USP3: variants seen among roughly 807,000 people sequenced by gnomAD.
USP3 encodes the protein ubiquitin carboxyl-terminal hydrolase 3.
Under a neutral mutation model 72.3 loss-of-function variants are expected in USP3, and 20 were observed. The observed-to-expected ratio is 0.28, with a 90% CI of 0.19 to 0.40. The LOEUF (loss-of-function observed/expected upper bound fraction) is 0.40, where lower values mean the gene tolerates loss of function less well. USP3 is among the 10% of genes least tolerant of loss of function. USP3 has a pLI of 1.00. For synonymous variants in USP3, 222 were observed against 225.3 expected, an observed-to-expected ratio of 0.99 and a Z score of 0.13; for missense variants, 479 against 633.9, an observed-to-expected ratio of 0.76 and a Z score of 2.62.
chr15:63,544,531 A>C lies in USP3; in HGVS notation c.284+7375A>C. 1.7e-6 allele frequency: 1 copy of C among 574,736 alleles called. No individual in the cohort carries two copies. Among genetic ancestry groups the C allele is most frequent in the Non-Finnish European group, 3.1e-6 (1 of 325,944 alleles). 35.6% of individuals were successfully genotyped at this position (574,736 alleles called of 1,614,324 possible). On this transcript the variant is annotated intron_variant, in intron 3 of 14. Transcript: ENST00000380324. This position sits in a 1 kb window ranked among gnomAD's most constrained non-coding sequence, Gnocchi z 4.2. ...GTAGTGCAGGGCAAAAACAGGAAGG[A>C]AACGAGTGTTTCTAAAGTTAGAATT...
chr15:63,547,138 A>G (rs945053793), intron 3 of USP3, among the ~76,000 whole-genome samples: 1 of 152,198 alleles, frequency 6.6e-6, no homozygotes, highest in African/African-American at 2.4e-5. Context: ...AGAGGAAGGA[A>G]ACTAACATTT....
In USP3 at chr15:63,553,734, G is replaced by A; in HGVS notation, c.304G>A (p.Val102Met). Residue 102 changes from valine to methionine, a missense_variant, in exon 4 of 15, where the codon GTG becomes ATG. Physicochemically the swap from Val to Met is conservative, Grantham distance 21 (BLOSUM62 1). Transcript: ENST00000380324. The surrounding 1 kb of genome is among the most constrained non-coding windows in gnomAD (Gnocchi z 4.2). ...TTGCAGTTATCGCTGTGATGATTTT[G>A]TGGTTAATGACACCAAGCTGGGACT... ...STYCYRCDDF[V>M]VNDTKLGLVQ... 1 of 1,612,602 alleles carries A rather than the reference G, an allele frequency of 6.2e-7. No homozygotes were observed. Among genetic ancestry groups the A allele is most frequent in the Non-Finnish European group, 8.5e-7 (1 of 1,179,272 alleles).
intron 1 of USP3, among the ~76,000 whole-genome samples, chr15:63,522,556 T>C (rs544488481): frequency 1.3e-5 from 2 of 152,156 alleles, no homozygotes; most frequent in South Asian, 4.2e-4. Context: ...GGTAATAGAG[T>C]GAAGAGGAAT....
chr15:63,547,757 GGAGGGAGAGAGAGAGAGAGA>G (rs778198243), intron 3 of USP3, among the ~76,000 whole-genome samples: 18,994 of 39,402 alleles, frequency 0.48, 4,930 homozygotes, highest in Non-Finnish European at 0.58. Flanking sequence ...AGGGAGGGAG[GGAGGGAGAGAGAGAGAGAGA>G]GAGAGAGAGA....
chr15:63,587,855 G>T (rs1010600558), intron 11 of USP3: 2 of 152,652 alleles, frequency 1.3e-5, no homozygotes, highest in Non-Finnish European at 2.9e-5. Flanking sequence ...AGAGTACAGC[G>T]TCTGGACAGA....
chr15:63,525,046 A>T (rs1413589467), intron 1 of USP3, among the ~76,000 whole-genome samples: 1 of 152,220 alleles, frequency 6.6e-6, no homozygotes, highest in Non-Finnish European at 1.5e-5. Context: ...ATGTAAGCCT[A>T]CTTTATATAA....
At chr15:63,557,509 C>T (rs2066532673) in intron 5 of USP3, among the ~76,000 whole-genome samples, 1 of 152,144 alleles carries the variant, frequency 6.6e-6, no homozygotes, top group South Asian at 2.1e-4. Flanking sequence ...GCAATCCACC[C>T]ACCTCAGCTT....
intron 9 of USP3, among the ~76,000 whole-genome samples, chr15:63,573,537 G>T (rs1018588946): frequency 1.3e-5 from 2 of 152,220 alleles, no homozygotes; most frequent in African/African-American, 4.8e-5. Context: ...TACTAAATCT[G>T]TATTAAATTC....
chr15:63,554,524 T>C (rs547036559), intron 4 of USP3, among the ~76,000 whole-genome samples: 8 of 152,314 alleles, frequency 5.3e-5, no homozygotes, highest in Non-Finnish European at 1.0e-4. Context: ...AAGTGAAATC[T>C]CTGTACATCA....
intron 1 of USP3, chr15:63,515,594 A>G (rs2065840471): frequency 6.6e-6 from 1 of 152,240 alleles, no homozygotes; most frequent in South Asian, 2.1e-4. Flanking sequence ...TTAACTCTGC[A>G]GTGGGAATAA....
At chr15:63,535,499 T>A (rs1394650550) in intron 2 of USP3, among the ~76,000 whole-genome samples, 2 of 152,182 alleles carry the variant, frequency 1.3e-5, no homozygotes, top group Non-Finnish European at 2.9e-5. Flanking sequence ...GTTAAATAAT[T>A]CATCCAAGCT....
rs2067112717 is a variant in USP3, at chr15:63,588,128, A to G, written c.1097-177A>G. 2.0e-6 allele frequency: 1 copy of G among 509,202 alleles called. No individual in the cohort carries two copies. The highest frequency in any genetic ancestry group is 3.4e-6 in the Non-Finnish European group (1 of 291,118). 31.5% of individuals were successfully genotyped at this position (509,202 alleles called of 1,614,324 possible). ...TCTACACATTATTTCTCTTCCTTAT[A>G]ATAGTTCTTCAAAGTAGGTATTATT... On this transcript the variant is annotated intron_variant, in intron 11 of 14. Coordinates refer to ENST00000380324, the MANE Select transcript of USP3 (RefSeq NM_006537.4). This position sits in a 1 kb window ranked among gnomAD's most constrained non-coding sequence, Gnocchi z 4.6.
At chr15:63,547,598 C>G (rs1280780632) in intron 3 of USP3, among the ~76,000 whole-genome samples, 1 of 151,844 alleles carries the variant, frequency 6.6e-6, no homozygotes, top group Non-Finnish European at 1.5e-5. Flanking sequence ...GGCATGGTCG[C>G]TCATGCGTGT....
At chr15:63,533,778 G>C in intron 2 of USP3, 3 of 1,013,728 alleles carry the variant, frequency 3.0e-6, no homozygotes, top group Non-Finnish European at 4.0e-6. Flanking sequence ...CTTAATTGTG[G>C]CTGTTGTGGT....
At position 63,537,120 on chromosome 15, in the gene USP3, C is replaced by T. The variant is rs1229929791; in HGVS notation, c.248C>T (p.Thr83Ile). The change falls in exon 3 of 15, where the codon ACA (threonine) becomes ATA (isoleucine). Residue 83 changes from threonine to isoleucine, a missense_variant. Coordinates refer to ENST00000380324, the MANE Select transcript of USP3 (RefSeq NM_006537.4). Reference protein sequence around the residue: ...KSEKQDKVQHTVCMDCSSYST... With the variant: ...KSEKQDKVQHIVCMDCSSYST... ...GAAAAGCAAGATAAAGTTCAGCACA[C>T]AGTATGTATGGATTGCAGTAGCTAC... The T allele has an allele frequency of 6.2e-7, 1 of 1,613,906 alleles. No homozygotes were observed. Among genetic ancestry groups the T allele is most frequent in the Non-Finnish European group, 8.5e-7 (1 of 1,179,966 alleles).
chr15:63,547,541 G>A (rs2066347329), intron 3 of USP3, among the ~76,000 whole-genome samples: 1 of 151,816 alleles, frequency 6.6e-6, no homozygotes, highest in African/African-American at 2.4e-5. Flanking sequence ...ACCAGCCAGG[G>A]CAACATAGTG....
chr15:63,526,389 G>A (rs2065982153), intron 1 of USP3, among the ~76,000 whole-genome samples: 1 of 152,112 alleles, frequency 6.6e-6, no homozygotes, highest in South Asian at 2.1e-4. Context: ...TTCCTCTTCT[G>A]TAAAACAGAC....
At chr15:63,521,247 G>A (rs1052887575) in intron 1 of USP3, among the ~76,000 whole-genome samples, 1 of 151,418 alleles carries the variant, frequency 6.6e-6, no homozygotes, top group African/African-American at 2.4e-5. Context: ...TCCATCTGTG[G>A]ATGTGCGACA....
In USP3 at chr15:63,594,216, A is replaced by G. The variant is rs534398412; in HGVS notation, c.*3390A>G. On this transcript the variant is annotated 3_prime_UTR_variant, in exon 15 of 15. Transcript: ENST00000380324. ...CCCACTTTAATCTCCACCAGCCCCT[A>G]AACTCTCTCCTGTACCCTCTGTTGC... 8 of 152,312 alleles carry G rather than the reference A, an allele frequency of 5.3e-5. No homozygotes were observed. In the East Asian group the frequency reaches 1.5e-3, roughly 29 times the overall value. 9.4% of individuals were successfully genotyped at this position (152,312 alleles called of 1,614,324 possible).
Sources: allele counts gnomAD v4.1 joint callset (sites outside exome capture counted in the v4.1 genomes callset), GRCh38; gene constraint gnomAD v4.1.1; non-coding constraint Gnocchi (gnomAD v3.1); transcripts MANE v1.5; gene names NCBI Gene and HGNC (gene_info 2026-07-23, HGNC 2026-07-21).